LTBP1: variants seen among roughly 807,000 people sequenced by gnomAD.
LTBP1 encodes latent-transforming growth factor beta-binding protein 1.
A neutral mutation model predicts 207.6 loss-of-function variants in LTBP1; 129 were observed. The observed-to-expected ratio is 0.62, with a 90% CI of 0.54 to 0.72. The LOEUF (loss-of-function observed/expected upper bound fraction) is 0.72, where lower values mean the gene tolerates loss of function less well. LTBP1 is among the 30% of genes least tolerant of loss of function. The pLI, the probability that LTBP1 is intolerant of heterozygous loss-of-function variation, is 0.00. For synonymous variants in LTBP1, 963 were observed against 833.7 expected, an observed-to-expected ratio of 1.16 and a Z score of -2.67; for missense variants, 2,281 against 2,217.2, an observed-to-expected ratio of 1.03 and a Z score of -0.58.
At chr2:33,127,201 G>A (rs1355095744) in intron 4 of LTBP1, among the ~76,000 whole-genome samples, 1 of 152,014 alleles carries the variant, frequency 6.6e-6, no homozygotes, top group East Asian at 1.9e-4. Flanking sequence ...AGGAGGTTTT[G>A]GTTTTCTTCT....
intron 2 of LTBP1, among the ~76,000 whole-genome samples, chr2:32,962,769 C>T (rs1020892734): frequency 6.6e-6 from 1 of 152,260 alleles, no homozygotes; most frequent in African/African-American, 2.4e-5. Flanking sequence ...CACTTAGCCT[C>T]GTGGCTCTCA....
At chr2:33,210,808 A>G (rs563948028) in intron 7 of LTBP1, among the ~76,000 whole-genome samples, 1 of 152,190 alleles carries the variant, frequency 6.6e-6, no homozygotes, top group South Asian at 2.1e-4. Context: ...GAGCTGTTCC[A>G]TCTCTTTGGA....
intron 7 of LTBP1, among the ~76,000 whole-genome samples, chr2:33,205,490 T>G (rs2089778144): frequency 6.6e-6 from 1 of 152,176 alleles, no homozygotes; most frequent in African/African-American, 2.4e-5. Flanking sequence ...GCATTAGACA[T>G]GTTAGAGGTG....
chr2:33,301,581 G>A lies in LTBP1; in HGVS notation c.3418G>A (p.Gly1140Ser), dbSNP rs750811131. Reference sequence around the variant, plus strand: ...TCATGGGCAGTGCAGGAACACTGAGGGCTCTTTTCAATGTGTGTGTGACCA... The same window carrying A: ...TCATGGGCAGTGCAGGAACACTGAGAGCTCTTTTCAATGTGTGTGTGACCA... The part of the protein sequence containing the change: ...CAHGQCRNTE[G>S]SFQCVCDQGY... The change falls in exon 22 of 34, where the codon GGC (glycine) becomes AGC (serine). Residue 1140 changes from glycine (G) to serine (S), a missense_variant. Around this residue, in one of 3 missense-constraint regions of LTBP1, gnomAD observed 1,671 missense variants for 1,634.8 expected, o/e 1.02. Transcript: ENST00000404816. 17 of 1,613,070 alleles carry A rather than the reference G, an allele frequency of 1.1e-5. No homozygotes were observed. In the Admixed American group the frequency reaches 1.7e-4, roughly 16 times the overall value.
chr2:33,031,153 C>T (rs1263737808), intron 3 of LTBP1, among the ~76,000 whole-genome samples: 1 of 152,094 alleles, frequency 6.6e-6, no homozygotes, highest in African/African-American at 2.4e-5. Context: ...AAAAAATCCC[C>T]CCTTGTCCAT....
chr2:33,023,880 A>G lies in LTBP1; in HGVS notation c.863+2674A>G, dbSNP rs73924123. ...GATAGGCCCACTTTGGCTACTTTTG[A>G]GAAATGTTACAATCCTTAAGTTATC... On this transcript the variant is annotated intron_variant, in intron 3 of 33. Coordinates refer to ENST00000404816, the MANE Select transcript of LTBP1 (RefSeq NM_206943.4). Among the ~76,000 whole-genome samples the G allele has an allele frequency of 3.2e-3, 483 of 152,358 alleles. 1 individual carries two copies. Among genetic ancestry groups the G allele is most frequent in the African/African-American group, 0.011 (451 of 41,582 alleles).
At chr2:32,996,850 C>T (rs1231572031) in intron 2 of LTBP1, among the ~76,000 whole-genome samples, 4 of 152,142 alleles carry the variant, frequency 2.6e-5, no homozygotes, top group Non-Finnish European at 4.4e-5. Flanking sequence ...CACTGCCTCC[C>T]GCACTGCCCA....
chr2:33,263,282 T>C lies in LTBP1; in HGVS notation c.2519-12T>C. The C allele has an allele frequency of 1.3e-6, 2 of 1,554,158 alleles. No individual in the cohort carries two copies. The highest frequency in any genetic ancestry group is 2.7e-5 in the African/African-American group (2 of 73,986). On this transcript the variant is annotated splice_polypyrimidine_tract_variant and intron_variant, in intron 14 of 33. Transcript: ENST00000404816. ...CTTTAATTTTCTTTTTATCCTCTGCTTCCTCATATAGTAGTGATTGAAAAA... is the reference window on the plus strand; with the variant it reads ...CTTTAATTTTCTTTTTATCCTCTGCCTCCTCATATAGTAGTGATTGAAAAA...
chr2:33,251,980 G>C (rs1339569714), intron 10 of LTBP1, among the ~76,000 whole-genome samples: 1 of 152,306 alleles, frequency 6.6e-6, no homozygotes, highest in East Asian at 1.9e-4. Context: ...TCTACTAAAC[G>C]TATAGCAGAA....
At chr2:33,347,117 CAAAAAAAAAAAAAA>C (rs775058448) in intron 25 of LTBP1, among the ~76,000 whole-genome samples, 20 of 51,992 alleles carry the variant, frequency 3.8e-4, no homozygotes, top group African/African-American at 7.2e-5. Context: ...GACTCCGTCT[CAAAAAAAAAAAAAA>C]AAAAAAAAAA....
rs1158542931 is a variant in LTBP1 at position 32,976,381 on chromosome 2, G to A, written c.565+27436G>A. Among the ~76,000 whole-genome samples, 4 of 152,162 alleles carry A rather than the reference G, an allele frequency of 2.6e-5. No homozygotes were observed. The South Asian group carries it at 6.2e-4, about 24-fold the overall frequency. ...AGAAGCTGCAGTGGCGCAGTGGGGT[G>A]CACATGTGTTGGTTGGGGTGGGGTG... On this transcript the variant is annotated intron_variant, in intron 2 of 33. Coordinates refer to ENST00000404816, the MANE Select transcript of LTBP1 (RefSeq NM_206943.4).
At chr2:32,977,878 C>T (rs1255581571) in intron 2 of LTBP1, among the ~76,000 whole-genome samples, 5 of 152,136 alleles carry the variant, frequency 3.3e-5, no homozygotes, top group Non-Finnish European at 5.9e-5. Context: ...CAGTTTGTTT[C>T]CCTCTTCAGT....
chr2:33,053,700 C>G (rs1162559810), intron 3 of LTBP1, among the ~76,000 whole-genome samples: 2 of 152,174 alleles, frequency 1.3e-5, no homozygotes, highest in African/African-American at 2.4e-5. Flanking sequence ...AGGCTTTATT[C>G]ATTCCTTGCT....
chr2:33,116,130 G>A (rs1203700829), intron 4 of LTBP1, among the ~76,000 whole-genome samples: 5 of 152,160 alleles, frequency 3.3e-5, no homozygotes, highest in Non-Finnish European at 7.4e-5. Flanking sequence ...TTCCCTAGAC[G>A]ACTGGTTTCC....
At chr2:33,246,543 G>C (rs192191838) in intron 10 of LTBP1, among the ~76,000 whole-genome samples, 133 of 152,138 alleles carry the variant, frequency 8.7e-4, no homozygotes, top group African/African-American at 2.5e-3. Flanking sequence ...TGTTTGCTCT[G>C]GAGAGAGAGA....
At chr2:33,348,117 T>C (rs768052459) in intron 26 of LTBP1, among the ~76,000 whole-genome samples, 2 of 152,176 alleles carry the variant, frequency 1.3e-5, no homozygotes, top group African/African-American at 4.8e-5. Context: ...CCTTTTAAGT[T>C]TGTGCCATGT....
At chr2:33,056,249 A>G (rs1232175734) in intron 3 of LTBP1, 4 of 441,868 alleles carry the variant, frequency 9.1e-6, no homozygotes, top group Admixed American at 4.2e-5. Flanking sequence ...CTTAGGATGC[A>G]TTTCAAGGGT....
At chr2:32,959,621 A>ATATTTTT (rs1475834284) in intron 2 of LTBP1, among the ~76,000 whole-genome samples, 1 of 36,668 alleles carries the variant, frequency 2.7e-5, no homozygotes, top group East Asian at 7.1e-4. Flanking sequence ...ATATATATAT[A>ATATTTTT]TTTTTTTTTT....
intron 2 of LTBP1, among the ~76,000 whole-genome samples, chr2:32,981,469 T>C (rs1682754623): frequency 3.3e-5 from 5 of 152,348 alleles, no homozygotes; most frequent in South Asian, 2.1e-4. Flanking sequence ...ACTTTTCTGA[T>C]GGATCTATGC....
Sources: gnomAD v4.1 joint callset for allele counts (sites outside exome capture counted in the v4.1 genomes callset) on GRCh38, gnomAD v4.1.1 for gene constraint, gnomAD v4.1.1 regional missense constraint, MANE v1.5 for transcripts, NCBI Gene and HGNC (gene_info 2026-07-23, HGNC 2026-07-21) for gene names.